CDH13: variants seen among roughly 807,000 people sequenced by gnomAD.
CDH13 encodes the protein cadherin 13.
Under a neutral mutation model 63.8 loss-of-function variants are expected in CDH13, and 24 were observed. The ratio of observed to expected loss-of-function variants is 0.38; its 90% CI spans 0.27 to 0.53. The LOEUF (loss-of-function observed/expected upper bound fraction) is 0.53, where lower values mean the gene tolerates loss of function less well. Among genes scored for constraint, CDH13 ranks in the 20% least tolerant of loss-of-function variants. The probability of loss-of-function intolerance (pLI) is 0.85; values close to 1 mark genes in which losing one functional copy is unlikely to be tolerated. For missense variants in CDH13, 1,049 were observed against 903.1 expected, an observed-to-expected ratio of 1.16 and a Z score of -2.07; for synonymous variants, 503 against 355.3, an observed-to-expected ratio of 1.42 and a Z score of -4.67.
chr16:83,133,085 A>T (rs2036130132), intron 4 of CDH13, among the ~76,000 whole-genome samples: 1 of 152,184 alleles, frequency 6.6e-6, no homozygotes, highest in Non-Finnish European at 1.5e-5. Flanking sequence ...CACTAACCAC[A>T]TGTGGTCAAT....
intron 8 of CDH13, among the ~76,000 whole-genome samples, chr16:83,613,828 G>A (rs1286159590): frequency 6.9e-6 from 1 of 144,718 alleles, no homozygotes; most frequent in Non-Finnish European, 1.5e-5. Context: ...ATGAGAGTCT[G>A]CCTCAAAAAA....
intron 7 of CDH13, among the ~76,000 whole-genome samples, chr16:83,585,616 A>G (rs1303596229): frequency 6.6e-6 from 1 of 152,076 alleles, no homozygotes; most frequent in African/African-American, 2.4e-5. Flanking sequence ...AAGCTGTCAG[A>G]GTCCACAGGG....
intron 9 of CDH13, among the ~76,000 whole-genome samples, chr16:83,674,074 C>T (rs761175686): frequency 5.3e-5 from 8 of 152,186 alleles, no homozygotes; most frequent in Non-Finnish European, 8.8e-5. Flanking sequence ...TTCTAGAAGC[C>T]AGCTAGGCCA....
At chr16:83,112,979 T>C (rs2035132750) in intron 3 of CDH13, among the ~76,000 whole-genome samples, 1 of 152,212 alleles carries the variant, frequency 6.6e-6, no homozygotes, top group Admixed American at 6.5e-5. Flanking sequence ...CACATGATTC[T>C]AGGAACTGGT....
intron 1 of CDH13, among the ~76,000 whole-genome samples, chr16:82,789,179 G>T (rs1313259852): frequency 2.0e-5 from 3 of 152,204 alleles, no homozygotes; most frequent in Non-Finnish European, 4.4e-5. Context: ...AGGGGTTGAA[G>T]GGCCATTCTT....
intron 1 of CDH13, among the ~76,000 whole-genome samples, chr16:82,743,322 G>A (rs866045628): frequency 5.2e-4 from 79 of 152,222 alleles, no homozygotes; most frequent in African/African-American, 1.7e-3. Flanking sequence ...AGACTTCCCG[G>A]GCTTAGGCGA....
chr16:83,395,002 G>C (rs2091858712), intron 6 of CDH13, among the ~76,000 whole-genome samples: 1 of 152,110 alleles, frequency 6.6e-6, no homozygotes, highest in South Asian at 2.1e-4. Context: ...GCAAAAATTT[G>C]CTGGGCATGG....
chr16:83,274,758 G>A (rs1314314919), intron 5 of CDH13, among the ~76,000 whole-genome samples: 1 of 152,056 alleles, frequency 6.6e-6, no homozygotes, highest in Non-Finnish European at 1.5e-5. Flanking sequence ...GCACATTCTT[G>A]GGCCCCACGC....
At chr16:83,281,259 T>C (rs1040462729) in intron 5 of CDH13, among the ~76,000 whole-genome samples, 1 of 152,246 alleles carries the variant, frequency 6.6e-6, no homozygotes, top group African/African-American at 2.4e-5. Context: ...AGCACTATGT[T>C]ATAGGGATGG....
chr16:83,357,924 G>T (rs1383164508), intron 6 of CDH13, among the ~76,000 whole-genome samples: 1 of 152,158 alleles, frequency 6.6e-6, no homozygotes, highest in Non-Finnish European at 1.5e-5. Context: ...AGTGGGAGAT[G>T]TTGCCAGGCC....
chr16:83,039,422 C>T (rs896815247), intron 3 of CDH13, among the ~76,000 whole-genome samples: 1 of 152,210 alleles, frequency 6.6e-6, no homozygotes, highest in Non-Finnish European at 1.5e-5. Context: ...TCCTGTCACC[C>T]TCGCCTCTTG....
chr16:83,301,683 A>G (rs1445830894), intron 5 of CDH13, among the ~76,000 whole-genome samples: 1 of 152,058 alleles, frequency 6.6e-6, no homozygotes, highest in African/African-American at 2.4e-5. Context: ...CTTGAACGTT[A>G]GTGTACCTTA....
chr16:82,931,769 A>G (rs1393359616), intron 2 of CDH13, among the ~76,000 whole-genome samples: 2 of 152,148 alleles, frequency 1.3e-5, no homozygotes, highest in South Asian at 2.1e-4. Context: ...ATCAGATCTC[A>G]TGAGACTTAT....
chr16:83,732,792 A>G (rs950336214), intron 10 of CDH13, among the ~76,000 whole-genome samples: 1 of 152,158 alleles, frequency 6.6e-6, no homozygotes, highest in Non-Finnish European at 1.5e-5. Flanking sequence ...GCAGGGATTC[A>G]GCTGCACTTG....
At chr16:83,481,233 G>T (rs2073753117) in intron 6 of CDH13, among the ~76,000 whole-genome samples, 1 of 152,190 alleles carries the variant, frequency 6.6e-6, no homozygotes, top group South Asian at 2.1e-4. Context: ...ATATAGATCT[G>T]AATGTCTATG....
chr16:83,073,352 TGTGAGA>T (rs2032588566), intron 3 of CDH13, among the ~76,000 whole-genome samples: 1 of 125,146 alleles, frequency 8.0e-6, no homozygotes, highest in African/African-American at 3.3e-5. Context: ...TGTGTGTGTG[TGTGAGA>T]GAGAGAGAGA....
chr16:83,512,369 T>TAAATAAAA (rs1167960037), intron 7 of CDH13, among the ~76,000 whole-genome samples: 33 of 118,774 alleles, frequency 2.8e-4, no homozygotes, highest in African/African-American at 5.0e-4. Context: ...AATAAATAAA[T>TAAATAAAA]AAAATAAAAA....
chr16:83,409,308 A>C (rs2092093404), intron 6 of CDH13, among the ~76,000 whole-genome samples: 1 of 152,218 alleles, frequency 6.6e-6, no homozygotes, highest in South Asian at 2.1e-4. Flanking sequence ...TGCTAGGGAC[A>C]TTAATCCCCC....
chr16:82,639,072 C>T (rs750953237), intron 1 of CDH13, among the ~76,000 whole-genome samples: 58 of 152,302 alleles, frequency 3.8e-4, no homozygotes, highest in Non-Finnish European at 7.9e-4. Flanking sequence ...TGGACCCATG[C>T]GTCTTTATTC....
Sources: allele counts gnomAD v4.1 joint callset (sites outside exome capture counted in the v4.1 genomes callset), GRCh38; gene constraint gnomAD v4.1.1; transcripts MANE v1.5; gene names NCBI Gene and HGNC (gene_info 2026-07-23, HGNC 2026-07-21).